The following AFTPH variants were observed in gnomAD, a reference collection of about 807,000 sequenced individuals.
The protein encoded by AFTPH is aftiphilin protein.
Under a neutral mutation model 72.5 loss-of-function variants are expected in AFTPH, and 7 were observed. The ratio of observed to expected loss-of-function variants is 0.10; its 90% CI spans 0.05 to 0.18. The LOEUF is 0.18. AFTPH is among the 10% of genes least tolerant of loss of function. The pLI is 1.00. For synonymous variants in AFTPH, 337 were observed against 370.1 expected (o/e 0.91, Z 1.03); for missense variants, 979 against 1,060.5 (o/e 0.92, Z 1.07).
chr2:64,548,960 T>G (rs967364004), intron 1 of AFTPH, among the ~76,000 whole-genome samples: 7 of 152,238 alleles, frequency 4.6e-5, no homozygotes, highest in Non-Finnish European at 4.4e-5. Flanking sequence ...TTCTTCCTGG[T>G]AACTCTGAGT....
At chr2:64,585,392 C>T (rs900326530) in intron 7 of AFTPH, 30 bp from the exon 9 acceptor site, 4 of 1,611,760 alleles carry the variant, frequency 2.5e-6, no homozygotes, top group Non-Finnish European at 3.4e-6. Context: ...TTGCAGCCTG[C>T]CATCACTGAC....
chr2:64,582,898 T>C (rs889512865), intron 7 of AFTPH, among the ~76,000 whole-genome samples: 3 of 152,170 alleles, frequency 2.0e-5, no homozygotes, highest in Admixed American at 1.3e-4. Flanking sequence ...TCAGGCTCAG[T>C]GTACACAGCT....
chr2:64,549,283 C>T (rs1353287020), intron 1 of AFTPH, among the ~76,000 whole-genome samples: 4 of 104,932 alleles, frequency 3.8e-5, no homozygotes, highest in Admixed American at 1.9e-4. Flanking sequence ...TGGTTTTATT[C>T]TAGGACTTTG....
At chr2:64,580,081 TTAG>T (rs1221047045) in intron 7 of AFTPH, 4 of 152,718 alleles carry the variant, frequency 2.6e-5, no homozygotes, top group African/African-American at 9.6e-5. Context: ...TCTCCAAATG[TTAG>T]TAGGCAGTTC....
At chr2:64,552,945 G>C (rs1671140781) in exon 2 of AFTPH, 1 of 1,614,144 alleles carries the variant, frequency 6.2e-7, no homozygotes, top group Non-Finnish European at 8.5e-7. Context: ...TTCTTGCCAA[G>C]AGGAGACAAT....
intron 1 of AFTPH, among the ~76,000 whole-genome samples, chr2:64,535,002 A>C (rs1324548761): frequency 6.6e-6 from 1 of 152,198 alleles, no homozygotes; most frequent in African/African-American, 2.4e-5. Context: ...TTGACGATTT[A>C]ATATTGTAAA....
chr2:64,567,303 T>A (rs12467486), intron 2 of AFTPH, among the ~76,000 whole-genome samples: 6 of 152,192 alleles, frequency 3.9e-5, no homozygotes, highest in Admixed American at 3.9e-4. Context: ...ATTAAGATAA[T>A]GCATGTAAAG....
chr2:64,550,499 C>T (rs1670962251), intron 1 of AFTPH, among the ~76,000 whole-genome samples: 1 of 152,114 alleles, frequency 6.6e-6, no homozygotes, highest in Non-Finnish European at 1.5e-5. Flanking sequence ...ATATAACATT[C>T]TTGATGTAAC....
In AFTPH at chr2:64,552,395, CAG is replaced by C; in HGVS notation, c.924_925del (p.Gly309PhefsTer4). 6.2e-7 allele frequency: 1 copy of C among 1,614,040 alleles called. No homozygotes were observed. Among genetic ancestry groups the C allele is most frequent in the Non-Finnish European group, 8.5e-7 (1 of 1,179,966 alleles). ...TTTCAGAAATAAGCATAGTGACTAA[CAG>C]AGGTTTCAGTGTTGAAAAACAAGGC... is the stretch of plus-strand genomic sequence containing the variant. On this transcript the variant is annotated frameshift_variant, in exon 2 of 9. Coordinates refer to ENST00000238856, the Ensembl canonical transcript of AFTPH. LOFTEE classifies it high-confidence loss of function.
intron 7 of AFTPH, 88 bp downstream of exon 7, chr2:64,579,634 T>TTTTG: frequency 8.1e-7 from 1 of 1,229,376 alleles, no homozygotes; most frequent in South Asian, 1.3e-5. Flanking sequence ...TGATTTCCTT[T>TTTTG]TTTGTTTGAA....
At chr2:64,556,803 G>T (rs1370444066) in intron 2 of AFTPH, among the ~76,000 whole-genome samples, 2 of 152,180 alleles carry the variant, frequency 1.3e-5, no homozygotes, top group East Asian at 3.8e-4. Flanking sequence ...GAGGGTTCAA[G>T]CTTTGATGTA....
chr2:64,561,643 C>T lies in AFTPH; in HGVS notation c.1936-5919C>T, dbSNP rs115722185. Among the ~76,000 whole-genome samples, 603 of 152,054 alleles carry T rather than the reference C, an allele frequency of 4.0e-3. 5 individuals carry two copies. Among genetic ancestry groups the T allele is most frequent in the Non-Finnish European group, 5.9e-3 (402 of 67,988 alleles). On this transcript the variant is annotated intron_variant, in intron 2 of 8. Transcript: ENST00000238856. ...GCAGTGAGCTGTGATGGCACCACTG[C>T]GCTGAAGCCTGAATGAGCGAGTGAG...
At chr2:64,539,912 C>T (rs1457694140) in intron 1 of AFTPH, among the ~76,000 whole-genome samples, 3 of 152,026 alleles carry the variant, frequency 2.0e-5, no homozygotes, top group South Asian at 2.1e-4. Context: ...AGAGCTAGGG[C>T]GCACAGAAGA....
chr2:64,571,862 A>G (rs1250754575), intron 5 of AFTPH, among the ~76,000 whole-genome samples: 1 of 151,588 alleles, frequency 6.6e-6, no homozygotes, highest in African/African-American at 2.4e-5. Context: ...TTGATGAAAA[A>G]TACTGATTTT....
In AFTPH at chr2:64,574,281, A is replaced by G. The variant is rs112861728; in HGVS notation, c.2394+1213A>G. On this transcript the variant is annotated intron_variant, in intron 6 of 8. Transcript: ENST00000238856. ...GTATGCTTGGACAGCCTTTCCCAAA[A>G]TGTGTTCCCATTGAACATTAATCCC... Among the ~76,000 whole-genome samples, 127 of 152,328 alleles carry G rather than the reference A, an allele frequency of 8.3e-4. 2 individuals are homozygous for G. Among genetic ancestry groups the G allele is most frequent in the African/African-American group, 2.8e-3 (116 of 41,580 alleles).
intron 2 of AFTPH, among the ~76,000 whole-genome samples, chr2:64,561,821 G>T (rs1004905575): frequency 6.6e-6 from 1 of 152,152 alleles, no homozygotes; most frequent in East Asian, 1.9e-4. Context: ...TGACTCTTTA[G>T]TAAGAATTAA....
In AFTPH at chr2:64,572,930, A is replaced by G. The variant is rs773332898; in HGVS notation, c.2272-16A>G. ...TGCACCCCCATCCCCATTAAAGGCT[A>G]ATATTCCTTTTTCAGGGTATGTTAG... is the stretch of plus-strand genomic sequence containing the variant. On this transcript the variant is annotated splice_polypyrimidine_tract_variant and intron_variant, in intron 5 of 8. Coordinates refer to ENST00000238856, the Ensembl canonical transcript of AFTPH. 4 of 1,613,830 alleles carry G rather than the reference A, an allele frequency of 2.5e-6. No homozygotes were observed. Among genetic ancestry groups the G allele is most frequent in the Admixed American group, 3.3e-5 (2 of 59,978 alleles).
Position 64,586,154 on chromosome 2 carries a change from A to T in AFTPH, c.2579+609A>T, listed in dbSNP as rs187509692. Among the ~76,000 whole-genome samples, 11 of 152,336 alleles carry T rather than the reference A, an allele frequency of 7.2e-5. No individual in the cohort carries two copies. In the East Asian group the frequency reaches 2.1e-3, roughly 29 times the overall value. On this transcript the variant is annotated intron_variant, in intron 8 of 8. Transcript: ENST00000238856. Reference sequence around the variant, plus strand: ...TTCAGAGAATCTTTAGTTTCATATGATTAGGCTAGTACAATCCATTGCTTT... The same window carrying T: ...TTCAGAGAATCTTTAGTTTCATATGTTTAGGCTAGTACAATCCATTGCTTT...
chr2:64,587,721 A>G (rs1673596114), intron 8 of AFTPH, among the ~76,000 whole-genome samples: 1 of 152,210 alleles, frequency 6.6e-6, no homozygotes, highest in Non-Finnish European at 1.5e-5. Flanking sequence ...GGGAATTTAT[A>G]TGTGCTCTTC....
Sources: gnomAD v4.1 joint callset for allele counts (sites outside exome capture counted in the v4.1 genomes callset) on GRCh38, gnomAD v4.1.1 for gene constraint, MANE v1.5 for transcripts, NCBI Gene and HGNC (gene_info 2026-07-23, HGNC 2026-07-21) for gene names.